Variants in RBM48 observed in about 807,000 individuals in gnomAD.
RBM48 encodes RNA binding motif protein 48.
Under a neutral mutation model 34.8 loss-of-function variants are expected in RBM48, and 32 were observed. That is an observed-to-expected ratio of 0.92 (90% confidence interval 0.69 to 1.23). The LOEUF is 1.23. Among genes scored for constraint, RBM48 ranks in the 50% most tolerant of loss-of-function variants. RBM48 has a pLI of 0.00. For missense variants in RBM48, 441 were observed against 447.2 expected (o/e 0.99, Z 0.12); for synonymous variants, 151 against 156.2 (o/e 0.97, Z 0.25).
In RBM48 at chr7:92,537,928, C is replaced by CA. The variant is rs1793763744; in HGVS notation, c.*994dup. 1 of 152,208 alleles carries CA rather than the reference C, an allele frequency of 6.6e-6. No homozygotes were observed. Among genetic ancestry groups the CA allele is most frequent in the African/African-American group, 2.4e-5 (1 of 41,440 alleles). 9.4% of individuals were successfully genotyped at this position (152,208 alleles called of 1,614,324 possible). The stretch of plus-strand genomic sequence containing the variant: ...AAGTGATTCACCCACCTCGGCCTCC[C>CA]AAAGTACTAGGATTATGGGTGTGAC... On this transcript the variant is annotated 3_prime_UTR_variant, in exon 5 of 5. Transcript: ENST00000265732.
In RBM48 at chr7:92,536,901, T is replaced by C. The variant is rs1793728931; in HGVS notation, c.1068T>C (p.His356=). 1.2e-6 allele frequency: 2 copies of C among 1,609,900 alleles called. No individual in the cohort carries two copies. Among genetic ancestry groups the C allele is most frequent in the East Asian group, 4.5e-5 (2 of 44,754 alleles). The change falls in exon 5 of 5, where the codon CAT becomes CAC. Residue 356 remains histidine, a synonymous_variant. Coordinates refer to ENST00000265732, the MANE Select transcript of RBM48 (RefSeq NM_032120.4). ...CAGAGGACAAGCCAGAAGATGTACA[T>C]ACAAGTCATCCATTAAAACAAAGAA... The part of the protein sequence containing the change: ...KPPEDKPEDV[H]TSHPLKQRRR...
At chr7:92,536,313 G>A (rs955500240) in intron 4 of RBM48, 38 of 976,052 alleles carry the variant, frequency 3.9e-5, no homozygotes, top group Non-Finnish European at 4.6e-5. Flanking sequence ...ATTAAATACA[G>A]TTTACTATAG....
chr7:92,536,605 C>A, intron 4 of RBM48: 1 of 1,116,104 alleles, frequency 9.0e-7, no homozygotes, highest in Non-Finnish European at 1.1e-6. Context: ...AGCATATGTT[C>A]ACTTTTCTTC....
Position 92,529,630 on chromosome 7 carries a change from T to C in RBM48, c.266T>C (p.Val89Ala). The change falls in exon 2 of 5, where the codon GTT becomes GCT. Residue 89 changes from valine (V) to alanine (A), a missense_variant. By Grantham distance (64) the Val-to-Ala change is moderately conservative. Coordinates refer to ENST00000265732, the MANE Select transcript of RBM48 (RefSeq NM_032120.4). ...TACCCAGCAGAAGACTTTACTGAAG[T>C]TTATCTTATTAAATTTATGAACTTA... Reference protein sequence around the residue: ...DEYPAEDFTEVYLIKFMNLQS... With the variant: ...DEYPAEDFTEAYLIKFMNLQS... The C allele has an allele frequency of 6.2e-7, 1 of 1,602,010 alleles. No homozygotes were observed. Among genetic ancestry groups the C allele is most frequent in the East Asian group, 2.2e-5 (1 of 44,684 alleles).
rs1234813502 is a variant in RBM48, at chr7:92,540,330, T to C, written c.*3393T>C. ...AGAAGTCTGTCTTCTCTTACTGTTT[T>C]TCAAAGTCTGCAAGCGATAGCTTGC... is the stretch of plus-strand genomic sequence containing the variant. On this transcript the variant is annotated 3_prime_UTR_variant, in exon 5 of 5. Transcript: ENST00000265732. The C allele has an allele frequency of 6.6e-6, 1 of 152,272 alleles. No homozygotes were observed. The highest frequency in any genetic ancestry group is 2.4e-5 in the African/African-American group (1 of 41,482). The allele number at this position is 152,272 out of a possible 1,614,324, so 9.4% of individuals were successfully genotyped here. A position where few individuals can be genotyped will look rare whatever the true frequency, so the allele number is the denominator to read the frequency against.
chr7:92,535,233 A>G, intron 4 of RBM48: 1 of 1,370,756 alleles, frequency 7.3e-7, no homozygotes, highest in Non-Finnish European at 9.4e-7. Context: ...AGCCAATTAA[A>G]TCAATCTGTG....
At position 92,532,520 on chromosome 7, in the gene RBM48, C is replaced by T. The variant is rs752144367; in HGVS notation, c.419C>T (p.Ala140Val). Residue 140 changes from alanine to valine, a missense_variant, in exon 3 of 5, where the codon GCA (alanine) becomes GTA (valine). Physicochemically the swap from Ala to Val is moderately conservative, Grantham distance 64. Transcript: ENST00000265732. ...AGAAAAAAACTACAAATGCGGAAGG[C>T]ATATGTAGTAAAAACTACTGAAAAT... is the stretch of plus-strand genomic sequence containing the variant. The part of the protein sequence containing the change: ...ETRKKLQMRK[A>V]YVVKTTENKD... 4 of 1,612,630 alleles carry T rather than the reference C, an allele frequency of 2.5e-6. No individual in the cohort carries two copies. In the Admixed American group the frequency reaches 6.7e-5, roughly 27 times the overall value.
rs1405139097 is a variant in RBM48, at chr7:92,538,537, TAAG to T, written c.*1601_*1603del. On this transcript the variant is annotated 3_prime_UTR_variant, in exon 5 of 5. Transcript: ENST00000265732. ...GATGGTACTAACAGCAAGCTGCAGATAAGGAGGGTAGGCCCTACTTCCATGTGA... is the reference window on the plus strand; with the variant it reads ...GATGGTACTAACAGCAAGCTGCAGATGAGGGTAGGCCCTACTTCCATGTGA... Among the ~76,000 whole-genome samples, 2 of 152,194 alleles carry T rather than the reference TAAG, an allele frequency of 1.3e-5. No homozygotes were observed. The highest frequency in any genetic ancestry group is 2.9e-5 in the Non-Finnish European group (2 of 68,024).
chr7:92,540,089 A>C lies in RBM48; in HGVS notation c.*3152A>C, dbSNP rs1201853353. ...TGGAAGTCTTGAATATAGTTACTGA[A>C]ATAATCATGAATGTCTTCTTGGGGC... On this transcript the variant is annotated 3_prime_UTR_variant, in exon 5 of 5. Coordinates refer to ENST00000265732, the MANE Select transcript of RBM48 (RefSeq NM_032120.4). 6.6e-6 allele frequency among the ~76,000 whole-genome samples: 1 copy of C among 152,242 alleles called. No homozygotes were observed. Among genetic ancestry groups the C allele is most frequent in the African/African-American group, 2.4e-5 (1 of 41,468 alleles).
At position 92,532,415 on chromosome 7, in the gene RBM48, G is replaced by A; in HGVS notation, c.314G>A (p.Arg105Lys). The A allele has an allele frequency of 6.2e-7, 1 of 1,610,024 alleles. No individual in the cohort carries two copies. Among genetic ancestry groups the A allele is most frequent in the Non-Finnish European group, 8.5e-7 (1 of 1,178,344 alleles). ...GTATTTCCATTCAGGACAGCCAAGA[G>A]AAAAATGGATGAACAGAGTTTCTTC... ...MNLQSARTAK[R>K]KMDEQSFFGG... Residue 105 changes from arginine (R) to lysine (K), a missense_variant, in exon 3 of 5, where the codon AGA becomes AAA. By Grantham distance (26) the Arg-to-Lys change is conservative. Coordinates refer to ENST00000265732, the MANE Select transcript of RBM48 (RefSeq NM_032120.4).
intron 4 of RBM48, chr7:92,536,395 C>T (rs1422189114): frequency 2.0e-6 from 2 of 985,452 alleles, no homozygotes; most frequent in Non-Finnish European, 2.4e-6. Context: ...TTTGTACACT[C>T]TTTTTCTGAT....
chr7:92,537,175 C>A lies in RBM48; in HGVS notation c.*238C>A, dbSNP rs960435629. On this transcript the variant is annotated 3_prime_UTR_variant, in exon 5 of 5. Transcript: ENST00000265732. ...TCGGCTCACTGCAACCTCCACCTCC[C>A]GGGTTCAAGCGATTCTCCTGCCTCA... is the stretch of plus-strand genomic sequence containing the variant. The A allele has an allele frequency of 2.6e-4, 69 of 263,632 alleles. No individual in the cohort carries two copies. The Middle Eastern group carries it at 4.0e-3, about 15-fold the overall frequency. The allele number at this position is 263,632 out of a possible 1,614,324, so 16.3% of individuals were successfully genotyped here.
intron 3 of RBM48, 197 bp from the exon 4 acceptor site, chr7:92,534,205 A>G: frequency 1.4e-6 from 1 of 732,034 alleles, no homozygotes; most frequent in Non-Finnish European, 2.2e-6. Context: ...AAAGGGTGAC[A>G]CTTGATGCTA....
At position 92,529,493 on chromosome 7, in the gene RBM48, G is replaced by T; in HGVS notation, c.129G>T (p.Leu43Phe). 1 of 1,597,960 alleles carries T rather than the reference G, an allele frequency of 6.3e-7. No individual in the cohort carries two copies. The highest frequency in any genetic ancestry group is 1.1e-5 in the South Asian group (1 of 88,842). Residue 43 changes from leucine (L) to phenylalanine (F), a missense_variant, in exon 2 of 5, where the codon TTG (leucine) becomes TTT (phenylalanine). Leu to Phe is a conservative substitution (Grantham distance 22, BLOSUM62 0). Coordinates refer to ENST00000265732, the MANE Select transcript of RBM48 (RefSeq NM_032120.4). ...TCTTTCAGGTATATACAATCAATTT[G>T]GAATCTCAGTACTTATTAATACAAG... ...PRAVKVYTIN[L>F]ESQYLLIQGV...
intron 4 of RBM48, chr7:92,536,594 G>C (rs1793717850): frequency 9.1e-7 from 1 of 1,092,960 alleles, no homozygotes; most frequent in Admixed American, 5.1e-5. Context: ...TGTTAAAGTA[G>C]AGCATATGTT....
chr7:92,535,513 T>G, intron 4 of RBM48: 1 of 986,296 alleles, frequency 1.0e-6, no homozygotes, highest in Non-Finnish European at 1.2e-6. Flanking sequence ...GTAGTCTGTT[T>G]TTTTTTTTAA....
Position 92,532,428 on chromosome 7 carries a change from A to G in RBM48, c.327A>G (p.Glu109=), listed in dbSNP as rs1394539348. 1 of 1,611,538 alleles carries G rather than the reference A, an allele frequency of 6.2e-7. No individual in the cohort carries two copies. The highest frequency in any genetic ancestry group is 8.5e-7 in the Non-Finnish European group (1 of 1,178,764). The change falls in exon 3 of 5, where the codon GAA becomes GAG. Residue 109 remains glutamate (E), a synonymous_variant. Coordinates refer to ENST00000265732, the MANE Select transcript of RBM48 (RefSeq NM_032120.4). ...GGACAGCCAAGAGAAAAATGGATGA[A>G]CAGAGTTTCTTCGGTGGATTGCTTC... ...SARTAKRKMD[E]QSFFGGLLHV... is the part of the protein sequence containing the mutation.
intron 4 of RBM48, chr7:92,536,461 T>C (rs1202113622): frequency 1.0e-6 from 1 of 987,116 alleles, no homozygotes; most frequent in Non-Finnish European, 1.2e-6. Context: ...TGCTTCCTGC[T>C]CATTTCTCCA....
At position 92,529,678 on chromosome 7, in the gene RBM48, G is replaced by A. The variant is rs780987643; in HGVS notation, c.302+12G>A. 6.9e-7 allele frequency: 1 copy of A among 1,458,794 alleles called. No individual in the cohort carries two copies. The highest frequency in any genetic ancestry group is 1.3e-5 in the South Asian group (1 of 77,848). 90.4% of individuals were successfully genotyped at this position (1,458,794 alleles called of 1,614,324 possible). On this transcript the variant is annotated intron_variant, in intron 2 of 4. Coordinates refer to ENST00000265732, the MANE Select transcript of RBM48 (RefSeq NM_032120.4). ...TTACAAAGTGCAAGGTAATGTGCAA[G>A]TTAAGAAATGACTCATTTCCTCATT...
Sources: gnomAD v4.1 joint callset for allele counts (sites outside exome capture counted in the v4.1 genomes callset) on GRCh38, gnomAD v4.1.1 for gene constraint, MANE v1.5 for transcripts, NCBI Gene and HGNC (gene_info 2026-07-23, HGNC 2026-07-21) for gene names.